The following KCNMA1 variants were observed in gnomAD, a reference collection of about 807,000 sequenced individuals.
The protein encoded by KCNMA1 is Calcium-activated potassium channel subunit alpha-1.
Under a neutral mutation model 140.0 loss-of-function variants are expected in KCNMA1, and 29 were observed. The ratio of observed to expected loss-of-function variants is 0.21; its 90% CI spans 0.15 to 0.28. The LOEUF is 0.28. Ranked by LOEUF, KCNMA1 falls within the 10% of genes least tolerant of loss-of-function variation. KCNMA1 has a pLI of 1.00. For missense variants in KCNMA1, 880 were observed against 1,602.2 expected (o/e 0.55, Z 7.70); for synonymous variants, 612 against 611.9 (o/e 1.00, Z 0.00).
rs573246550 is a variant in KCNMA1, at chr10:76,946,581, C to A, written c.2710-1616G>T. On this transcript the variant is annotated intron_variant, in intron 22 of 27. Transcript: ENST00000286628. ...GGGGCATTTAGCACTGTGGTTGCTG[C>A]TGAGACACAACTAGTTCCAAGCTCT... Among the ~76,000 whole-genome samples, 6 of 152,300 alleles carry A rather than the reference C, an allele frequency of 3.9e-5. No individual in the cohort carries two copies. In the South Asian group the frequency reaches 1.2e-3, roughly 32 times the overall value.
At chr10:77,088,722 C>T (rs565416356) in intron 10 of KCNMA1, among the ~76,000 whole-genome samples, 42 of 152,336 alleles carry the variant, frequency 2.8e-4, no homozygotes, top group Non-Finnish European at 3.8e-4. Context: ...AGCAACCACA[C>T]CTTACCAGCT....
intron 5 of KCNMA1, 28 bp downstream of exon 5, chr10:77,183,393 A>G: frequency 6.9e-7 from 1 of 1,457,552 alleles, no homozygotes; most frequent in Non-Finnish European, 9.6e-7. Flanking sequence ...AGGAACCAGG[A>G]AGGAGAAGGA....
At chr10:77,302,249 G>C (rs1269505582) in intron 2 of KCNMA1, among the ~76,000 whole-genome samples, 1 of 152,108 alleles carries the variant, frequency 6.6e-6, no homozygotes, top group Non-Finnish European at 1.5e-5. Context: ...CCTGGGAAAG[G>C]GGCTGCTTCT....
chr10:76,969,964 C>G lies in KCNMA1; in HGVS notation c.2360+10G>C. ...GAGGGAAACCGTGGGCAACCAGCCC[C>G]TCTCCTTACCTCATCAGCTTAGGCG... On this transcript the variant is annotated intron_variant, in intron 20 of 27. Coordinates refer to ENST00000286628, the MANE Select transcript of KCNMA1 (RefSeq NM_001161352.2). 3 of 1,609,400 alleles carry G rather than the reference C, an allele frequency of 1.9e-6. No individual in the cohort carries two copies. Among genetic ancestry groups the G allele is most frequent in the Non-Finnish European group, 2.6e-6 (3 of 1,175,832 alleles).
intron 2 of KCNMA1, among the ~76,000 whole-genome samples, chr10:77,292,302 T>C (rs531545614): frequency 6.6e-6 from 1 of 152,112 alleles, no homozygotes; most frequent in East Asian, 1.9e-4. Flanking sequence ...TCCTTTGGAG[T>C]GGTGCGTTCC....
chr10:77,115,054 G>T (rs1377646591), intron 6 of KCNMA1, among the ~76,000 whole-genome samples: 1 of 152,186 alleles, frequency 6.6e-6, no homozygotes, highest in Non-Finnish European at 1.5e-5. Context: ...AAGTGCTTTA[G>T]GATCACCTGT....
At chr10:77,402,490 C>T (rs111538409) in intron 2 of KCNMA1, among the ~76,000 whole-genome samples, 1 of 152,240 alleles carries the variant, frequency 6.6e-6, no homozygotes, top group East Asian at 1.9e-4. Flanking sequence ...CATAACCAGA[C>T]CCTTCAGCAC....
chr10:76,928,704 G>A (rs1379424438), intron 23 of KCNMA1, among the ~76,000 whole-genome samples: 1 of 152,106 alleles, frequency 6.6e-6, no homozygotes, highest in East Asian at 1.9e-4. Flanking sequence ...GATGATGTAA[G>A]GCATGCAATC....
intron 9 of KCNMA1, chr10:77,090,719 A>G: frequency 3.4e-6 from 2 of 596,040 alleles, no homozygotes; most frequent in Admixed American, 2.9e-5. Context: ...CAGAAAAGCC[A>G]TATGGCTTCT....
chr10:77,431,209 G>A (rs1459078674), intron 1 of KCNMA1, among the ~76,000 whole-genome samples: 1 of 152,156 alleles, frequency 6.6e-6, no homozygotes. Context: ...GCAGTGACTG[G>A]TCATTCAGTC....
intron 23 of KCNMA1, among the ~76,000 whole-genome samples, chr10:76,929,238 T>C (rs917108970): frequency 6.6e-6 from 1 of 152,226 alleles, no homozygotes; most frequent in East Asian, 1.9e-4. Context: ...GTTTTATAGA[T>C]TAAGTGTGAA....
At chr10:77,353,280 C>G (rs1203133120) in intron 2 of KCNMA1, among the ~76,000 whole-genome samples, 1 of 152,070 alleles carries the variant, frequency 6.6e-6, no homozygotes, top group African/African-American at 2.4e-5. Flanking sequence ...CCAACCCTTC[C>G]CTGAGAGCCA....
chr10:77,218,482 C>T (rs991800514), intron 3 of KCNMA1, among the ~76,000 whole-genome samples: 1 of 152,114 alleles, frequency 6.6e-6, no homozygotes, highest in African/African-American at 2.4e-5. Flanking sequence ...CTGGTCCCCA[C>T]TACTTCTTAA....
chr10:77,134,794 C>T (rs574910223), intron 5 of KCNMA1, among the ~76,000 whole-genome samples: 8 of 151,570 alleles, frequency 5.3e-5, no homozygotes, highest in East Asian at 3.9e-4. Flanking sequence ...ATCAGGAGAT[C>T]GAGACCATCC....
At chr10:77,076,137 C>T (rs544959742) in intron 13 of KCNMA1, among the ~76,000 whole-genome samples, 3 of 151,968 alleles carry the variant, frequency 2.0e-5, no homozygotes, top group African/African-American at 4.8e-5. Flanking sequence ...AAAGAGGAAA[C>T]GATTTAATAC....
At chr10:77,165,239 G>T (rs1434227123) in intron 5 of KCNMA1, among the ~76,000 whole-genome samples, 1 of 152,140 alleles carries the variant, frequency 6.6e-6, no homozygotes, top group Non-Finnish European at 1.5e-5. Context: ...CAAGAGGAAA[G>T]AATGAAATAA....
intron 9 of KCNMA1, among the ~76,000 whole-genome samples, chr10:77,094,576 G>A (rs1164140573): frequency 4.6e-5 from 7 of 152,196 alleles, no homozygotes; most frequent in Non-Finnish European, 8.8e-5. Context: ...AGCAAAGTCT[G>A]ATTACAGGCA....
rs997594261 is a variant in KCNMA1, at chr10:77,637,603, C to T, written c.40G>A (p.Gly14Ser). ...CTGCTGCCTCCGCCGCCGCCGCCGCCGCCGCTGCTGCCGCCGCCGCCGCCG... is the reference window on the plus strand; with the variant it reads ...CTGCTGCCTCCGCCGCCGCCGCCGCTGCCGCTGCTGCCGCCGCCGCCGCCG... ...GGGGGGGSSG[G>S]GGGGGGSSLR... The change falls in exon 1 of 28, where the codon GGC (glycine) becomes AGC (serine). Residue 14 changes from glycine (G) to serine (S), a missense_variant. Physicochemically the swap from Gly to Ser is moderately conservative, Grantham distance 56. Coordinates refer to ENST00000286628, the MANE Select transcript of KCNMA1 (RefSeq NM_001161352.2). 2.0e-6 allele frequency: 3 copies of T among 1,525,762 alleles called. No homozygotes were observed. The highest frequency in any genetic ancestry group is 1.2e-5 in the South Asian group (1 of 82,854). The allele number at this position is 1,525,762 out of a possible 1,614,324, so 94.5% of individuals were successfully genotyped here.
chr10:77,017,792 G>A (rs1483518500), intron 17 of KCNMA1, among the ~76,000 whole-genome samples: 1 of 152,116 alleles, frequency 6.6e-6, no homozygotes, highest in African/African-American at 2.4e-5. Flanking sequence ...GTATGGCTTT[G>A]GGCAAGTTAG....
Sources: gnomAD v4.1 joint callset for allele counts (sites outside exome capture counted in the v4.1 genomes callset) on GRCh38, gnomAD v4.1.1 for gene constraint, MANE v1.5 for transcripts, NCBI Gene and HGNC (gene_info 2026-07-23, HGNC 2026-07-21) for gene names.